Variants in RERE observed in about 807,000 individuals in gnomAD.
RERE encodes the protein arginine-glutamic acid dipeptide repeats protein.
A neutral mutation model predicts 146.1 loss-of-function variants in RERE; 40 were observed. That is an observed-to-expected ratio of 0.27 (90% CI 0.21 to 0.36). RERE has a LOEUF of 0.36. Ranked by LOEUF, RERE falls within the 10% of genes least tolerant of loss-of-function variation. RERE has a pLI of 1.00. For synonymous variants in RERE, 1,003 were observed against 866.0 expected, an observed-to-expected ratio of 1.16 and a Z score of -2.78; for missense variants, 1,933 against 2,138.7, an observed-to-expected ratio of 0.90 and a Z score of 1.90.
At chr1:8,459,671 A>G (rs1644500935) in intron 11 of RERE, among the ~76,000 whole-genome samples, 1 of 152,242 alleles carries the variant, frequency 6.6e-6, no homozygotes, top group South Asian at 2.1e-4. Flanking sequence ...AGACCAGAAG[A>G]GAGCAAGAAG....
rs769000030 is a variant in RERE at position 8,358,370 on chromosome 1, C to T, written c.4165G>A (p.Glu1389Lys). The T allele has an allele frequency of 4.3e-6, 7 of 1,609,692 alleles. No homozygotes were observed. Among genetic ancestry groups the T allele is most frequent in the South Asian group, 1.1e-5 (1 of 90,982 alleles). ...LALAGPQLRP[E>K]MSYPDRLAAE... ...GCCAGTCTGTCAGGGTAGCTCATCT[C>T]GGGCCGCAGCTGGGGGCCCGCCAGG... The change falls in exon 20 of 23, where the codon GAG becomes AAG. Residue 1389 changes from glutamate to lysine, a missense_variant. By Grantham distance (56) the Glu-to-Lys change is moderately conservative. Transcript: ENST00000400908.
chr1:8,541,375 A>G, intron 6 of RERE, 57 bp from the exon 7 acceptor site: 1 of 1,051,926 alleles, frequency 9.5e-7, no homozygotes, highest in South Asian at 1.3e-5. Context: ...TGCTAACCAA[A>G]ACTGGAGGGG....
chr1:8,699,714 A>G (rs1347551540), intron 1 of RERE, among the ~76,000 whole-genome samples: 2 of 152,240 alleles, frequency 1.3e-5, no homozygotes, highest in Non-Finnish European at 2.9e-5. Context: ...CATTTTCTAT[A>G]TAAGTTACAA....
At chr1:8,531,643 A>G (rs1422729082) in intron 7 of RERE, among the ~76,000 whole-genome samples, 1 of 152,186 alleles carries the variant, frequency 6.6e-6, no homozygotes, top group African/African-American at 2.4e-5. Context: ...GTTTCAGAGG[A>G]AAAAGTTTCC....
At chr1:8,605,363 A>G (rs1183394215) in intron 4 of RERE, among the ~76,000 whole-genome samples, 1 of 152,068 alleles carries the variant, frequency 6.6e-6, no homozygotes, top group East Asian at 1.9e-4. Flanking sequence ...CAATCTCCTG[A>G]CCTTGTGATC....
intron 4 of RERE, among the ~76,000 whole-genome samples, chr1:8,592,660 A>G (rs1219729244): frequency 6.6e-6 from 1 of 152,094 alleles, no homozygotes; most frequent in Admixed American, 6.5e-5. Context: ...AGTGAGAAGA[A>G]TGCTTGTGGC....
intron 1 of RERE, among the ~76,000 whole-genome samples, chr1:8,714,582 G>A (rs1485470088): frequency 6.6e-6 from 1 of 151,974 alleles, no homozygotes; most frequent in African/African-American, 2.4e-5. Context: ...ACAACAGAGG[G>A]AACCCCAACC....
At position 8,354,725 on chromosome 1, in the gene RERE, T is replaced by G. The variant is rs1641222166; in HGVS notation, c.*362A>C. 4.7e-6 allele frequency: 1 copy of G among 213,278 alleles called. No homozygotes were observed. Among genetic ancestry groups the G allele is most frequent in the Non-Finnish European group, 9.1e-6 (1 of 109,396 alleles). The allele number at this position is 213,278 out of a possible 1,614,324, so 13.2% of individuals were successfully genotyped here. A position where few individuals can be genotyped will look rare whatever the true frequency, so the allele number is the denominator to read the frequency against. On this transcript the variant is annotated 3_prime_UTR_variant, in exon 23 of 23. Transcript: ENST00000400908. ...GAGCACTCGTGGCGGAGTGTGTCAGTGTGTCTGCACGCACAGTGAAGGGTG... is the reference window on the plus strand; with the variant it reads ...GAGCACTCGTGGCGGAGTGTGTCAGGGTGTCTGCACGCACAGTGAAGGGTG...
Position 8,523,855 on chromosome 1 carries a change from T to C in RERE, c.831-15180A>G, listed in dbSNP as rs116005814. Among the ~76,000 whole-genome samples, 243 of 152,372 alleles carry C rather than the reference T, an allele frequency of 1.6e-3. 1 individual carries two copies. The highest frequency in any genetic ancestry group is 5.4e-3 in the African/African-American group (223 of 41,594). ...CAGTGGCAGGAACCTGATCCAGAGC[T>C]GATTCGGCTGTGAGCACAGCTTCCT... On this transcript the variant is annotated intron_variant, in intron 7 of 22. Transcript: ENST00000400908.
chr1:8,705,725 G>C (rs1639544316), intron 1 of RERE, among the ~76,000 whole-genome samples: 2 of 152,164 alleles, frequency 1.3e-5, no homozygotes, highest in African/African-American at 4.8e-5. Context: ...TAAATGAACT[G>C]AGGTCAACAA....
chr1:8,447,767 A>G (rs1244715912), intron 11 of RERE, among the ~76,000 whole-genome samples: 15 of 152,230 alleles, frequency 9.9e-5, no homozygotes, highest in Admixed American at 9.2e-4. Context: ...ATGGACACAG[A>G]AGAATGAGTG....
rs142494554 is a variant in RERE, at chr1:8,359,831, C to G, written c.3551G>C (p.Arg1184Pro). 3.7e-6 allele frequency: 6 copies of G among 1,607,542 alleles called. No individual in the cohort carries two copies. The highest frequency in any genetic ancestry group is 5.1e-6 in the Non-Finnish European group (6 of 1,179,776). Reference sequence around the variant, plus strand: ...CCGCTCCTTCTCCTTCTCCTTCTCCCGCTCTCGCTCCTCTCGGGCTTTCTG... The same window carrying G: ...CCGCTCCTTCTCCTTCTCCTTCTCCGGCTCTCGCTCCTCTCGGGCTTTCTG... ...AEQKAREERE[R>P]EKEKEKERER... The change falls in exon 19 of 23, where the codon CGG (arginine) becomes CCG (proline). Residue 1184 changes from arginine to proline, a missense_variant. Physicochemically the swap from Arg to Pro is moderately radical, Grantham distance 103. Coordinates refer to ENST00000400908, the MANE Select transcript of RERE (RefSeq NM_001042681.2).
intron 2 of RERE, among the ~76,000 whole-genome samples, chr1:8,633,250 T>C (rs1018629615): frequency 6.6e-6 from 1 of 152,084 alleles, no homozygotes; most frequent in African/African-American, 2.4e-5. Context: ...CAAGACTCCA[T>C]CTCTACAAAA....
intron 12 of RERE, among the ~76,000 whole-genome samples, chr1:8,367,320 G>A (rs369849754): frequency 1.7e-4 from 26 of 152,194 alleles, no homozygotes; most frequent in Non-Finnish European, 2.9e-4. Flanking sequence ...GGTGGCTTCC[G>A]CAAGGCAGGG....
Position 8,620,672 on chromosome 1 carries a change from A to G in RERE, c.396+3638T>C, listed in dbSNP as rs138871831. Among the ~76,000 whole-genome samples, 1,046 of 152,044 alleles carry G rather than the reference A, an allele frequency of 6.9e-3. 9 individuals are homozygous for G. Among genetic ancestry groups the G allele is most frequent in the African/African-American group, 0.024 (991 of 41,476 alleles). Reference sequence around the variant, plus strand: ...AAGCTAAATAAAGACTTTGCCAGCTATTTTACTATTTAGTTCAGAAATCTA... The same window carrying G: ...AAGCTAAATAAAGACTTTGCCAGCTGTTTTACTATTTAGTTCAGAAATCTA... On this transcript the variant is annotated intron_variant, in intron 3 of 22. Coordinates refer to ENST00000400908, the MANE Select transcript of RERE (RefSeq NM_001042681.2).
intron 8 of RERE, among the ~76,000 whole-genome samples, chr1:8,500,263 A>G (rs956856798): frequency 1.2e-4 from 18 of 152,222 alleles, no homozygotes; most frequent in African/African-American, 3.9e-4. Flanking sequence ...GTCTGTTATT[A>G]ATCGAAAAGT....
intron 7 of RERE, among the ~76,000 whole-genome samples, chr1:8,514,620 C>T (rs1213564925): frequency 6.6e-6 from 1 of 151,812 alleles, no homozygotes; most frequent in Non-Finnish European, 1.5e-5. Context: ...CCTAGCTACT[C>T]GGGAGGCTCA....
chr1:8,757,962 G>A (rs1640677804), intron 1 of RERE, among the ~76,000 whole-genome samples: 2 of 150,424 alleles, frequency 1.3e-5, no homozygotes, highest in African/African-American at 4.9e-5. Flanking sequence ...TGTGTTCTAA[G>A]AAAATTCTGT....
chr1:8,521,020 G>A (rs1231505935), intron 7 of RERE, among the ~76,000 whole-genome samples: 3 of 151,702 alleles, frequency 2.0e-5, no homozygotes, highest in African/African-American at 4.8e-5. Flanking sequence ...ATTCCTCCTC[G>A]CTGCAGTGGT....
Sources: gnomAD v4.1 joint callset for allele counts (sites outside exome capture counted in the v4.1 genomes callset) on GRCh38, gnomAD v4.1.1 for gene constraint, MANE v1.5 for transcripts, NCBI Gene and HGNC (gene_info 2026-07-23, HGNC 2026-07-21) for gene names.